Variants in B4GALT1 observed in about 807,000 individuals in gnomAD.
B4GALT1 encodes the protein beta-1,4-galactosyltransferase 1.
Under a neutral mutation model 34.9 loss-of-function variants are expected in B4GALT1, and 16 were observed. The ratio of observed to expected loss-of-function variants is 0.46; its 90% CI spans 0.31 to 0.70. The LOEUF (loss-of-function observed/expected upper bound fraction) is 0.70. Among genes scored for constraint, B4GALT1 ranks in the 30% least tolerant of loss-of-function variants. B4GALT1 has a pLI of 0.05. For missense variants in B4GALT1, 445 were observed against 530.5 expected (o/e 0.84, Z 1.58); for synonymous variants, 221 against 218.1 (o/e 1.01, Z -0.12).
At chr9:33,142,239 C>A (rs1840362334) in intron 1 of B4GALT1, among the ~76,000 whole-genome samples, 1 of 152,182 alleles carries the variant, frequency 6.6e-6, no homozygotes, top group Non-Finnish European at 1.5e-5. Context: ...CCTCGGCCTC[C>A]CACAGTGCTG....
the B4GALT1 span, among the ~76,000 whole-genome samples, chr9:33,180,953 T>G: frequency 6.6e-6 from 1 of 152,198 alleles, no homozygotes; most frequent in South Asian, 2.1e-4. Flanking sequence ...CATATTTTCC[T>G]TTTTAGTCAC....
intron 2 of B4GALT1, among the ~76,000 whole-genome samples, chr9:33,127,285 G>A (rs1158811055): frequency 1.5e-4 from 23 of 152,182 alleles, no homozygotes; most frequent in Admixed American, 1.5e-3. Flanking sequence ...TTTAAACCCA[G>A]CTCCAAGGAG....
downstream of B4GALT1, among the ~76,000 whole-genome samples, chr9:33,109,966 T>G (rs1839835050): frequency 6.6e-6 from 1 of 152,190 alleles, no homozygotes; most frequent in Non-Finnish European, 1.5e-5. Context: ...AGGACCAGAG[T>G]TGTCCTGTTT....
At chr9:33,179,615 G>A in the B4GALT1 span, 1 of 152,214 alleles carries the variant, frequency 6.6e-6, no homozygotes, top group African/African-American at 2.4e-5. Flanking sequence ...TGGTGCAAAA[G>A]CAATATGCAT....
chr9:33,134,014 G>A (rs1840230841), intron 2 of B4GALT1, among the ~76,000 whole-genome samples: 1 of 152,190 alleles, frequency 6.6e-6, no homozygotes. Flanking sequence ...AAAGCATTTG[G>A]CAGCCACCAT....
intron 3 of B4GALT1, among the ~76,000 whole-genome samples, chr9:33,118,853 C>A (rs1839979451): frequency 6.6e-6 from 1 of 151,472 alleles, no homozygotes; most frequent in African/African-American, 2.4e-5. Flanking sequence ...TGTTATTCAA[C>A]TGATAGGTTT....
chr9:33,113,904 T>C (rs377116518), intron 4 of B4GALT1, 26 bp from the exon 5 acceptor site: 15 of 1,607,146 alleles, frequency 9.3e-6, no homozygotes, highest in Non-Finnish European at 1.3e-5. Flanking sequence ...GGAAAGTCAT[T>C]ATCACAGAGC....
intron 1 of B4GALT1, among the ~76,000 whole-genome samples, chr9:33,158,392 C>T (rs1395585342): frequency 1.3e-5 from 2 of 152,200 alleles, no homozygotes; most frequent in Non-Finnish European, 2.9e-5. Context: ...TTTGATCCCT[C>T]AGTCCAGCTA....
At chr9:33,131,897 G>A (rs999795942) in intron 2 of B4GALT1, among the ~76,000 whole-genome samples, 1 of 151,916 alleles carries the variant, frequency 6.6e-6, no homozygotes, top group South Asian at 2.1e-4. Flanking sequence ...TTATTTATTA[G>A]GTAATATTCT....
At chr9:33,159,880 C>A (rs1840650389) in intron 1 of B4GALT1, among the ~76,000 whole-genome samples, 1 of 152,196 alleles carries the variant, frequency 6.6e-6, no homozygotes. Flanking sequence ...AGGGACTTAG[C>A]TGCTAAAGAA....
intron 1 of B4GALT1, among the ~76,000 whole-genome samples, chr9:33,143,735 G>C (rs7020500): frequency 0.023 from 3,526 of 152,234 alleles, 60 homozygotes; most frequent in East Asian, 0.062. Flanking sequence ...CCCTCATGAA[G>C]CAATTTAAGA....
At chr9:33,173,591 G>GGGGTGT in the B4GALT1 span, among the ~76,000 whole-genome samples, 1 of 143,166 alleles carries the variant, frequency 7.0e-6, no homozygotes, top group African/African-American at 2.6e-5. Context: ...AAATAAGAAT[G>GGGGTGT]GTGTGTGTGT....
chr9:33,115,996 A>G lies in B4GALT1; in HGVS notation c.954T>C (p.Phe318=). 1 of 1,611,164 alleles carries G rather than the reference A, an allele frequency of 6.2e-7. No individual in the cohort carries two copies. The highest frequency in any genetic ancestry group is 8.5e-7 in the Non-Finnish European group (1 of 1,177,956). Residue 318 remains phenylalanine (F), a synonymous_variant, in exon 4 of 6, where the codon TTT becomes TTC. Transcript: ENST00000379731. The part of the protein sequence containing the change: ...WGWGGEDDDI[F]NRLVFRGMSI... ...ATCTAAGTTATGACCATTACCTGTT[A>G]AAAATGTCATCATCTTCTCCTCCCC...
intron 2 of B4GALT1, 55 bp from the exon 3 acceptor site, chr9:33,120,661 C>T: frequency 6.3e-7 from 1 of 1,577,884 alleles, no homozygotes; most frequent in Non-Finnish European, 8.7e-7. Flanking sequence ...TTGGGCCAAA[C>T]ACTCACAGGG....
chr9:33,166,838 G>GCGGGGC lies in B4GALT1; in HGVS notation c.326_331dup (p.Gly109_Pro110dup), dbSNP rs1288742564. The GCGGGGC allele has an allele frequency of 5.8e-6, 9 of 1,556,272 alleles. No homozygotes were observed. The highest frequency in any genetic ancestry group is 7.8e-6 in the Non-Finnish European group (9 of 1,157,176). On this transcript the variant is annotated inframe_insertion, in exon 1 of 6. Coordinates refer to ENST00000379731, the MANE Select transcript of B4GALT1 (RefSeq NM_001497.4). ...CACTGGGACCGAGGTCAAGTTGCTAGCGGGGCCAGGGCCAGAATCCACGAC... is the reference window on the plus strand; with the variant it reads ...CACTGGGACCGAGGTCAAGTTGCTAGCGGGGCCGGGGCCAGGGCCAGAATCCACGAC...
chr9:33,167,000 G>C lies in B4GALT1; in HGVS notation c.170C>G (p.Ser57Cys), dbSNP rs1324818651. 2 of 1,595,116 alleles carry C rather than the reference G, an allele frequency of 1.3e-6. No individual in the cohort carries two copies. The highest frequency in any genetic ancestry group is 1.7e-6 in the Non-Finnish European group (2 of 1,176,866). Reference protein sequence around the residue: ...LSRLPQLVGVSTPLQGGSNSA... With the variant: ...LSRLPQLVGVCTPLQGGSNSA... ...GTTCGAGCCGCCCTGCAGCGGTGTGGAGACTCCGACCAGTTGGGGCAGGCG... is the reference window on the plus strand; with the variant it reads ...GTTCGAGCCGCCCTGCAGCGGTGTGCAGACTCCGACCAGTTGGGGCAGGCG... Residue 57 changes from serine (S) to cysteine (C), a missense_variant, in exon 1 of 6, where the codon TCC (serine) becomes TGC (cysteine). By Grantham distance (112) the Ser-to-Cys change is moderately radical. Coordinates refer to ENST00000379731, the MANE Select transcript of B4GALT1 (RefSeq NM_001497.4).
At chr9:33,145,550 C>G (rs1008752146) in intron 1 of B4GALT1, among the ~76,000 whole-genome samples, 2 of 152,176 alleles carry the variant, frequency 1.3e-5, no homozygotes, top group African/African-American at 4.8e-5. Flanking sequence ...TCGAATCAGA[C>G]CCTAGAGAAT....
At chr9:33,167,530 G>A (rs1840787778), upstream of B4GALT1, among the ~76,000 whole-genome samples, 1 of 152,216 alleles carries the variant, frequency 6.6e-6, no homozygotes, top group African/African-American at 2.4e-5. Flanking sequence ...CCCGGAGTAT[G>A]ACTGCAGCTC....
chr9:33,120,703 A>G, intron 2 of B4GALT1, 97 bp from the exon 3 acceptor site: 1 of 1,305,676 alleles, frequency 7.7e-7, no homozygotes. Flanking sequence ...CATGGTCACT[A>G]GGAAACTCTT....
Sources: allele counts gnomAD v4.1 joint callset (sites outside exome capture counted in the v4.1 genomes callset), GRCh38; gene constraint gnomAD v4.1.1; transcripts MANE v1.5; gene names NCBI Gene and HGNC (gene_info 2026-07-23, HGNC 2026-07-21).